Variants in NTM observed in about 807,000 individuals in gnomAD.
The protein encoded by NTM is neurotrimin.
In NTM, 13 loss-of-function variants were observed where a neutral mutation model predicts 42.1. The observed-to-expected ratio is 0.31, with a 90% CI of 0.20 to 0.49. NTM has a LOEUF of 0.49. Among genes scored for constraint, NTM ranks in the 20% least tolerant of loss-of-function variants. The pLI is 0.99. For synonymous variants in NTM, 187 were observed against 179.2 expected (o/e 1.04, Z -0.35); for missense variants, 373 against 452.8 (o/e 0.82, Z 1.60).
chr11:131,947,061 C>G, intron 2 of NTM, among the ~76,000 whole-genome samples: 1 of 152,180 alleles, frequency 6.6e-6, no homozygotes, highest in East Asian at 1.9e-4. Flanking sequence ...TCTGTACAGA[C>G]ATTTCCAGAA....
chr11:132,166,594 G>A (rs2075312266), intron 3 of NTM, among the ~76,000 whole-genome samples: 1 of 152,208 alleles, frequency 6.6e-6, no homozygotes. Context: ...TAATTAGAGA[G>A]AACTGAGGTA....
intron 1 of NTM, among the ~76,000 whole-genome samples, chr11:131,409,248 AG>A (rs1946119382): frequency 6.6e-6 from 1 of 152,250 alleles, no homozygotes; most frequent in Admixed American, 6.5e-5. Context: ...GAGAAGCAGA[AG>A]GAAGCAGGAG....
intron 2 of NTM, among the ~76,000 whole-genome samples, chr11:132,032,616 C>T (rs2076065319): frequency 6.6e-6 from 1 of 152,162 alleles, no homozygotes; most frequent in South Asian, 2.1e-4. Flanking sequence ...GTGTCATACT[C>T]ACCAATCCCT....
chr11:132,325,494 A>G lies in NTM; in HGVS notation c.935-4659A>G, dbSNP rs551766303. ...ACCATCTCACACCAGTTAGAATGGC[A>G]ATCATTAAAATGTCAGGAAACAACA... On this transcript the variant is annotated intron_variant, in intron 7 of 8. Coordinates refer to ENST00000683400, the MANE Select transcript of NTM (RefSeq NM_001352005.2). Among the ~76,000 whole-genome samples, 9 of 152,278 alleles carry G rather than the reference A, an allele frequency of 5.9e-5. No individual in the cohort carries two copies. In the South Asian group the frequency reaches 1.2e-3, roughly 21 times the overall value.
At chr11:132,271,902 T>C (rs2084527) in intron 4 of NTM, among the ~76,000 whole-genome samples, 32,139 of 152,034 alleles carry the variant, frequency 0.21, 4,444 homozygotes, top group East Asian at 0.66. Flanking sequence ...GTTCAACTTA[T>C]ACATTTTTTG....
intron 2 of NTM, among the ~76,000 whole-genome samples, chr11:132,115,587 T>C (rs2063772452): frequency 6.6e-6 from 1 of 152,166 alleles, no homozygotes; most frequent in Admixed American, 6.5e-5. Context: ...GAGATGACTC[T>C]GTGGGAGGAG....
At chr11:131,569,603 G>A (rs1384597368) in intron 1 of NTM, among the ~76,000 whole-genome samples, 9 of 136,664 alleles carry the variant, frequency 6.6e-5, no homozygotes, top group African/African-American at 2.5e-4. Flanking sequence ...TTTGATACAG[G>A]GTTTTACTCT....
chr11:132,088,801 C>T (rs1049288429), intron 2 of NTM, among the ~76,000 whole-genome samples: 3 of 152,198 alleles, frequency 2.0e-5, no homozygotes, highest in Non-Finnish European at 4.4e-5. Context: ...GAGGACACTT[C>T]CCTATTTGCC....
intron 2 of NTM, among the ~76,000 whole-genome samples, chr11:132,089,070 C>G (rs758370055): frequency 6.6e-6 from 1 of 152,164 alleles, no homozygotes; most frequent in Non-Finnish European, 1.5e-5. Flanking sequence ...GAAAGACTTT[C>G]TGGTGAAGCT....
chr11:132,321,539 A>C (rs2095568696), intron 7 of NTM, among the ~76,000 whole-genome samples: 2 of 152,234 alleles, frequency 1.3e-5, no homozygotes, highest in Admixed American at 6.5e-5. Flanking sequence ...GAAAAGACCA[A>C]ATCTACCTCT....
intron 3 of NTM, among the ~76,000 whole-genome samples, chr11:132,173,985 T>G (rs931437005): frequency 6.6e-6 from 1 of 151,982 alleles, no homozygotes; most frequent in Non-Finnish European, 1.5e-5. Context: ...CCTAAATGAG[T>G]GTGTCCTACT....
chr11:131,911,196 C>T (rs2054869317), intron 1 of NTM: 1 of 1,369,674 alleles, frequency 7.3e-7, no homozygotes, highest in South Asian at 1.6e-5. Flanking sequence ...CGCGCGCTTC[C>T]CCCTCCTCGG....
chr11:131,923,358 T>A (rs2057491680), intron 2 of NTM, among the ~76,000 whole-genome samples: 1 of 152,236 alleles, frequency 6.6e-6, no homozygotes, highest in African/African-American at 2.4e-5. Flanking sequence ...TTGTTAGGAA[T>A]AATAGTAAGC....
At chr11:132,163,189 C>G (rs979197635) in intron 3 of NTM, among the ~76,000 whole-genome samples, 2 of 152,150 alleles carry the variant, frequency 1.3e-5, no homozygotes, top group African/African-American at 4.8e-5. Context: ...GCAGCAGCAA[C>G]AGGACTGAAT....
rs565995107 is a variant in NTM at position 131,476,289 on chromosome 11, T to C, written c.82+105401T>C. Among the ~76,000 whole-genome samples, 3 of 152,336 alleles carry C rather than the reference T, an allele frequency of 2.0e-5. No individual in the cohort carries two copies. In the East Asian group the frequency reaches 5.8e-4, roughly 29 times the overall value. On this transcript the variant is annotated intron_variant, in intron 1 of 8. Transcript: ENST00000683400. Reference sequence around the variant, plus strand: ...CTACATATCAACTCACCGTGTTAAATGTGATGAGTTATTTAATAGACAAGT... The same window carrying C: ...CTACATATCAACTCACCGTGTTAAACGTGATGAGTTATTTAATAGACAAGT...
At chr11:131,868,629 C>T (rs1326166038) in intron 1 of NTM, among the ~76,000 whole-genome samples, 1 of 152,214 alleles carries the variant, frequency 6.6e-6, no homozygotes, top group Non-Finnish European at 1.5e-5. Context: ...AACTGAGTTT[C>T]TTGCGATGTC....
intron 2 of NTM, among the ~76,000 whole-genome samples, chr11:132,026,140 C>T (rs915371860): frequency 7.2e-5 from 11 of 152,082 alleles, no homozygotes; most frequent in African/African-American, 2.2e-4. Context: ...ATGATGAATG[C>T]GGTGCATTTT....
intron 1 of NTM, among the ~76,000 whole-genome samples, chr11:131,656,923 A>G (rs1303603197): frequency 6.6e-6 from 1 of 151,982 alleles, no homozygotes; most frequent in East Asian, 1.9e-4. Flanking sequence ...TGACCGAGTC[A>G]TCTGTGCTCC....
At chr11:131,838,599 T>A (rs1484020407) in intron 1 of NTM, among the ~76,000 whole-genome samples, 1 of 152,174 alleles carries the variant, frequency 6.6e-6, no homozygotes, top group African/African-American at 2.4e-5. Context: ...AATATGGAAG[T>A]GATCAATGGA....
Sources: allele counts gnomAD v4.1 joint callset (sites outside exome capture counted in the v4.1 genomes callset), GRCh38; gene constraint gnomAD v4.1.1; transcripts MANE v1.5; gene names NCBI Gene and HGNC (gene_info 2026-07-23, HGNC 2026-07-21).